PPTC7: variants seen among roughly 807,000 people sequenced by gnomAD.
PPTC7 encodes the protein protein phosphatase targeting COQ7, also known as protein phosphatase PTC7 homolog.
A neutral mutation model predicts 30.8 loss-of-function variants in PPTC7; 6 were observed. That is an observed-to-expected ratio of 0.19 (90% confidence interval 0.11 to 0.38). PPTC7 has a LOEUF of 0.38. Among genes scored for constraint, PPTC7 ranks in the 10% least tolerant of loss-of-function variants. PPTC7 has a pLI of 1.00. For missense variants in PPTC7, 218 were observed against 404.8 expected, an observed-to-expected ratio of 0.54 and a Z score of 3.96; for synonymous variants, 163 against 168.1, an observed-to-expected ratio of 0.97 and a Z score of 0.23.
At position 110,534,529 on chromosome 12, in the gene PPTC7, G is replaced by C. The variant is rs2064204002; in HGVS notation, c.*2508C>G. 1 of 151,698 alleles carries C rather than the reference G, an allele frequency of 6.6e-6. No individual in the cohort carries two copies. The highest frequency in any genetic ancestry group is 2.4e-5 in the African/African-American group (1 of 41,246). The allele number at this position is 151,698 out of a possible 1,614,324, so 9.4% of individuals were successfully genotyped here. On this transcript the variant is annotated 3_prime_UTR_variant, in exon 6 of 6. Transcript: ENST00000354300. ...CTGTGACCTGGAAAATTCTACTATG[G>C]GTCCAACACAGCCTCTGACCACTGA... is the stretch of plus-strand genomic sequence containing the variant.
chr12:110,556,828 A>ATT (rs1271946083), intron 1 of PPTC7, among the ~76,000 whole-genome samples: 1 of 152,120 alleles, frequency 6.6e-6, no homozygotes, highest in Non-Finnish European at 1.5e-5. Context: ...CGGCTCCCAT[A>ATT]AACACTGCTG....
At position 110,576,513 on chromosome 12, in the gene PPTC7, T is replaced by G. The variant is rs141257290; in HGVS notation, c.223+6296A>C. 1.2e-3 allele frequency among the ~76,000 whole-genome samples: 178 copies of G among 152,248 alleles called. 1 individual carries two copies. Among genetic ancestry groups the G allele is most frequent in the African/African-American group, 4.2e-3 (176 of 41,544 alleles). Reference sequence around the variant, plus strand: ...GAATGGATCAACAAAATGTGGTATATAAATATAATGGAACATTATTCAGTC... The same window carrying G: ...GAATGGATCAACAAAATGTGGTATAGAAATATAATGGAACATTATTCAGTC... On this transcript the variant is annotated intron_variant, in intron 1 of 5. Transcript: ENST00000354300.
At chr12:110,571,552 T>C (rs544731002) in intron 1 of PPTC7, among the ~76,000 whole-genome samples, 2 of 152,196 alleles carry the variant, frequency 1.3e-5, no homozygotes, top group Non-Finnish European at 2.9e-5. Context: ...CAGTATTAAT[T>C]GACTTCACGA....
At chr12:110,562,567 C>T (rs112133560) in intron 1 of PPTC7, among the ~76,000 whole-genome samples, 10 of 151,966 alleles carry the variant, frequency 6.6e-5, no homozygotes, top group African/African-American at 2.4e-4. Context: ...CTGAGGTAAA[C>T]AGATCACTTG....
Position 110,536,992 on chromosome 12 carries a change from G to A in PPTC7, c.*45C>T. The A allele has an allele frequency of 6.8e-7, 1 of 1,476,966 alleles. No individual in the cohort carries two copies. The highest frequency in any genetic ancestry group is 9.5e-7 in the Non-Finnish European group (1 of 1,055,760). The allele number at this position is 1,476,966 out of a possible 1,614,324, so 91.5% of individuals were successfully genotyped here. Reference sequence around the variant, plus strand: ...CAGCAGGATCAGCACACATGGCAGGGGAAATTTGGGATGATGAAAGGAAAG... The same window carrying A: ...CAGCAGGATCAGCACACATGGCAGGAGAAATTTGGGATGATGAAAGGAAAG... On this transcript the variant is annotated 3_prime_UTR_variant, in exon 6 of 6. Coordinates refer to ENST00000354300, the MANE Select transcript of PPTC7 (RefSeq NM_139283.2).
chr12:110,563,863 T>G (rs1371393052), intron 1 of PPTC7, among the ~76,000 whole-genome samples: 1 of 152,240 alleles, frequency 6.6e-6, no homozygotes, highest in African/African-American at 2.4e-5. Flanking sequence ...TCTGGGCAGT[T>G]GCCTTGTCTT....
chr12:110,566,439 T>G (rs1041485428), intron 1 of PPTC7, among the ~76,000 whole-genome samples: 1 of 152,168 alleles, frequency 6.6e-6, no homozygotes, highest in Non-Finnish European at 1.5e-5. Context: ...GAACAAGATG[T>G]GCTAAGCATG....
chr12:110,582,779 TG>T (rs1191226850), intron 1 of PPTC7, 29 bp downstream of exon 1: 5 of 1,516,696 alleles, frequency 3.3e-6, no homozygotes, highest in Non-Finnish European at 4.4e-6. Flanking sequence ...GATCCGAGGC[TG>T]GGGCAAGGGA....
chr12:110,572,489 C>T (rs1237896940), intron 1 of PPTC7, among the ~76,000 whole-genome samples: 1 of 152,068 alleles, frequency 6.6e-6, no homozygotes, highest in African/African-American at 2.4e-5. Context: ...CAGAGTAGTC[C>T]AAAAAGAAAT....
At chr12:110,552,737 G>A (rs531152886) in intron 1 of PPTC7, among the ~76,000 whole-genome samples, 24 of 151,686 alleles carry the variant, frequency 1.6e-4, no homozygotes, top group African/African-American at 5.3e-4. Context: ...GGTGGCAGGC[G>A]CCTGTAGTCC....
At chr12:110,581,397 G>C (rs2064636024) in intron 1 of PPTC7, among the ~76,000 whole-genome samples, 1 of 151,880 alleles carries the variant, frequency 6.6e-6, no homozygotes. Flanking sequence ...CTGAGTGACA[G>C]AGGTAGACTC....
chr12:110,567,440 G>C (rs1235272218), intron 1 of PPTC7, among the ~76,000 whole-genome samples: 2 of 152,096 alleles, frequency 1.3e-5, no homozygotes, highest in African/African-American at 4.8e-5. Context: ...CCTTCCTTTT[G>C]CATTTCCCAC....
At chr12:110,549,067 T>A (rs1022406726) in intron 2 of PPTC7, among the ~76,000 whole-genome samples, 6 of 152,196 alleles carry the variant, frequency 3.9e-5, no homozygotes, top group African/African-American at 1.4e-4. Context: ...GGCGAGTCCC[T>A]CATGCTCAAA....
chr12:110,553,877 G>A (rs1249585937), intron 1 of PPTC7, among the ~76,000 whole-genome samples: 2 of 151,708 alleles, frequency 1.3e-5, no homozygotes, highest in African/African-American at 4.8e-5. Context: ...TATTTTTTTT[G>A]AGACAGAGTC....
chr12:110,568,315 C>G (rs1308255122), intron 1 of PPTC7, among the ~76,000 whole-genome samples: 2 of 150,498 alleles, frequency 1.3e-5, no homozygotes, highest in Non-Finnish European at 3.0e-5. Context: ...TGCAGTGCCG[C>G]GATCTCGGCT....
chr12:110,563,355 G>A (rs145919007), intron 1 of PPTC7, among the ~76,000 whole-genome samples: 330 of 152,106 alleles, frequency 2.2e-3, no homozygotes, highest in African/African-American at 7.7e-3. Context: ...GGTGGCTTAC[G>A]CCTGTAATCC....
intron 1 of PPTC7, among the ~76,000 whole-genome samples, chr12:110,553,297 G>A (rs959154981): frequency 2.4e-4 from 37 of 151,648 alleles, no homozygotes; most frequent in Middle Eastern, 3.4e-3. Flanking sequence ...CTACAGGTGC[G>A]TGCCATCACG....
intron 1 of PPTC7, among the ~76,000 whole-genome samples, chr12:110,570,942 C>G (rs999949733): frequency 6.6e-6 from 1 of 152,230 alleles, no homozygotes; most frequent in East Asian, 1.9e-4. Flanking sequence ...TTTTTCTTTT[C>G]CAAATCTCTC....
chr12:110,583,044 C>T lies in PPTC7; in HGVS notation c.-13G>A, dbSNP rs2064653767. 5 of 1,387,468 alleles carry T rather than the reference C, an allele frequency of 3.6e-6. No homozygotes were observed. Among genetic ancestry groups the T allele is most frequent in the African/African-American group, 1.5e-5 (1 of 65,142 alleles). The allele number at this position is 1,387,468 out of a possible 1,614,324, so 85.9% of individuals were successfully genotyped here. A position where few individuals can be genotyped will look rare whatever the true frequency, so the allele number is the denominator to read the frequency against. ...GGACCGAGAACATCGCCGCCGCCGC[C>T]CCCCCGAGGAGGCGGGGGGCCGGGG... On this transcript the variant is annotated 5_prime_UTR_variant, in exon 1 of 6. Transcript: ENST00000354300.
Sources: gnomAD v4.1 joint callset for allele counts (sites outside exome capture counted in the v4.1 genomes callset) on GRCh38, gnomAD v4.1.1 for gene constraint, MANE v1.5 for transcripts, NCBI Gene and HGNC (gene_info 2026-07-23, HGNC 2026-07-21) for gene names.